KIRREL3: variants seen among roughly 807,000 people sequenced by gnomAD.
KIRREL3 encodes the protein kin of IRRE-like protein 3.
In KIRREL3, 36 loss-of-function variants were observed where a neutral mutation model predicts 89.7. The observed-to-expected ratio is 0.40, with a 90% CI of 0.31 to 0.53. The LOEUF (loss-of-function observed/expected upper bound fraction) is 0.53, where lower values mean the gene tolerates loss of function less well. Among genes scored for constraint, KIRREL3 ranks in the 20% least tolerant of loss-of-function variants. The pLI is 0.49. For missense variants in KIRREL3, 864 were observed against 1,056.6 expected (o/e 0.82, Z 2.53); for synonymous variants, 445 against 441.4 (o/e 1.01, Z -0.10).
rs1942934303 is a variant in KIRREL3 at position 126,607,386 on chromosome 11, G to A, written c.56-44474C>T. On this transcript the variant is annotated intron_variant, in intron 1 of 16. Coordinates refer to ENST00000525144, the MANE Select transcript of KIRREL3 (RefSeq NM_032531.4). This position sits in a 1 kb window ranked among gnomAD's most constrained non-coding sequence, Gnocchi z 6.6. ...AATATGAGTACTCTTGGCTGGGAGA[G>A]GAAGGGCTGGAGGAGAGATCAGGAA... 6.6e-6 allele frequency among the ~76,000 whole-genome samples: 1 copy of A among 152,096 alleles called. No homozygotes were observed.
chr11:126,690,853 T>A (rs1316535531), intron 1 of KIRREL3, among the ~76,000 whole-genome samples: 1 of 152,236 alleles, frequency 6.6e-6, no homozygotes. Flanking sequence ...TTGTCATTTC[T>A]TTTACCCATT....
chr11:126,462,926 T>C lies in KIRREL3; in HGVS notation c.742+231A>G, dbSNP rs1212844153. Among the ~76,000 whole-genome samples, 1 of 152,170 alleles carries C rather than the reference T, an allele frequency of 6.6e-6. No homozygotes were observed. The highest frequency in any genetic ancestry group is 1.5e-5 in the Non-Finnish European group (1 of 68,028). ...TGAAAGTCCCACCTTGTACAGGTGT[T>C]GAAATGTGGCCTGAAGATGTCCTTT... is the stretch of plus-strand genomic sequence containing the variant. On this transcript the variant is annotated intron_variant, in intron 6 of 16. Coordinates refer to ENST00000525144, the MANE Select transcript of KIRREL3 (RefSeq NM_032531.4). The surrounding 1 kb of genome is among the most constrained non-coding windows in gnomAD (Gnocchi z 4.8).
chr11:126,979,780 C>T (rs373337679), intron 1 of KIRREL3, among the ~76,000 whole-genome samples: 31 of 152,244 alleles, frequency 2.0e-4, no homozygotes, highest in East Asian at 3.9e-4. Context: ...GCTTAAGAAA[C>T]GTCAGCATCT....
chr11:126,986,235 A>T (rs1025287001), intron 1 of KIRREL3, among the ~76,000 whole-genome samples: 2 of 152,220 alleles, frequency 1.3e-5, no homozygotes, highest in African/African-American at 4.8e-5. Flanking sequence ...AAAGAGGCCC[A>T]GATGCCTAGT....
At chr11:126,583,017 T>C (rs1177625016) in intron 1 of KIRREL3, among the ~76,000 whole-genome samples, 1 of 151,614 alleles carries the variant, frequency 6.6e-6, no homozygotes, top group Non-Finnish European at 1.5e-5. Context: ...GACACTGCTA[T>C]CTGTTCTTGA....
rs943650981 is a variant in KIRREL3, at chr11:126,761,947, G to A, written c.56-199035C>T. Among the ~76,000 whole-genome samples, 5 of 152,146 alleles carry A rather than the reference G, an allele frequency of 3.3e-5. No homozygotes were observed. Among genetic ancestry groups the A allele is most frequent in the Non-Finnish European group, 7.3e-5 (5 of 68,028 alleles). On this transcript the variant is annotated intron_variant, in intron 1 of 16. Coordinates refer to ENST00000525144, the MANE Select transcript of KIRREL3 (RefSeq NM_032531.4). The surrounding 1 kb of genome is among the most constrained non-coding windows in gnomAD (Gnocchi z 4.4). ...TAATCCCAACACTTTGGGAGGCCGA[G>A]GGGGGCAGATCACCTGAGGTCAGGA...
Position 126,840,665 on chromosome 11 carries a change from T to G in KIRREL3, c.55+159790A>C, listed in dbSNP as rs181071499. ...CCATTCTGGGTAGCGTGATAAAATC[T>G]TGTGCAGAACAGCTCCATCCTGCTC... is the stretch of plus-strand genomic sequence containing the variant. On this transcript the variant is annotated intron_variant, in intron 1 of 16. Transcript: ENST00000525144. Among the ~76,000 whole-genome samples, 18 of 152,322 alleles carry G rather than the reference T, an allele frequency of 1.2e-4. No homozygotes were observed. In the East Asian group the frequency reaches 3.3e-3, roughly 28 times the overall value.
chr11:126,570,379 G>A lies in KIRREL3; in HGVS notation c.56-7467C>T, dbSNP rs887029881. On this transcript the variant is annotated intron_variant, in intron 1 of 16. Transcript: ENST00000525144. The surrounding 1 kb of genome is among the most constrained non-coding windows in gnomAD (Gnocchi z 6.1). Reference sequence around the variant, plus strand: ...TTACATACCAATTAAATTCATATAAGAGGAATCTGAAACAGCTGTGGTCTT... The same window carrying A: ...TTACATACCAATTAAATTCATATAAAAGGAATCTGAAACAGCTGTGGTCTT... 6.6e-6 allele frequency among the ~76,000 whole-genome samples: 1 copy of A among 152,160 alleles called. No homozygotes were observed. The highest frequency in any genetic ancestry group is 2.4e-5 in the African/African-American group (1 of 41,438).
intron 1 of KIRREL3, among the ~76,000 whole-genome samples, chr11:126,767,029 AC>A (rs1452411501): frequency 3.9e-5 from 6 of 152,232 alleles, no homozygotes; most frequent in Admixed American, 3.3e-4. Flanking sequence ...AGGGCATTCA[AC>A]ATGAGAGGTA....
Position 126,953,881 on chromosome 11 carries a change from C to T in KIRREL3, c.55+46574G>A, listed in dbSNP as rs1052957987. On this transcript the variant is annotated intron_variant, in intron 1 of 16. Coordinates refer to ENST00000525144, the MANE Select transcript of KIRREL3 (RefSeq NM_032531.4). The surrounding 1 kb of genome is among the most constrained non-coding windows in gnomAD (Gnocchi z 5.2). ...TTTGGGTTTTTCTCTGCCTACCACC[C>T]GCTTATTTATGTTAATCTGATTTAG... 3.9e-5 allele frequency among the ~76,000 whole-genome samples: 6 copies of T among 152,228 alleles called. No homozygotes were observed. The highest frequency in any genetic ancestry group is 1.9e-4 in the East Asian group (1 of 5,182).
chr11:126,437,674 CACG>C (rs1276764527), intron 11 of KIRREL3, among the ~76,000 whole-genome samples: 4 of 152,032 alleles, frequency 2.6e-5, no homozygotes, highest in East Asian at 1.9e-4. Flanking sequence ...ACATGGCAGA[CACG>C]ACACCACATC....
intron 1 of KIRREL3, among the ~76,000 whole-genome samples, chr11:126,866,659 A>C (rs541022060): frequency 4.2e-5 from 6 of 141,242 alleles, no homozygotes; most frequent in South Asian, 2.3e-4. Flanking sequence ...GCCCCCCCAC[A>C]CACACTGACC....
In KIRREL3 at chr11:126,430,298, A is replaced by G. The variant is rs1260317463; in HGVS notation, c.1697-1010T>C. Among the ~76,000 whole-genome samples, 1 of 152,088 alleles carries G rather than the reference A, an allele frequency of 6.6e-6. No individual in the cohort carries two copies. The highest frequency in any genetic ancestry group is 1.5e-5 in the Non-Finnish European group (1 of 68,010). On this transcript the variant is annotated intron_variant, in intron 14 of 16. Coordinates refer to ENST00000525144, the MANE Select transcript of KIRREL3 (RefSeq NM_032531.4). The surrounding 1 kb of genome is among the most constrained non-coding windows in gnomAD (Gnocchi z 6.6). ...TGTCTCTGCAAAAAATTAAAAAAAT[A>G]GCAAGGCATGATGGCACACGCCTGT...
rs1416828861 is a variant in KIRREL3, at chr11:126,528,140, C to T, written c.134-1453G>A. On this transcript the variant is annotated intron_variant, in intron 2 of 16. Coordinates refer to ENST00000525144, the MANE Select transcript of KIRREL3 (RefSeq NM_032531.4). The surrounding 1 kb of genome is among the most constrained non-coding windows in gnomAD (Gnocchi z 4.6). ...GGGGCCCATCTGCATTCCAAGCCCTCCCTTTTTCCTACCTCCTGCTCTACA... is the reference window on the plus strand; with the variant it reads ...GGGGCCCATCTGCATTCCAAGCCCTTCCTTTTTCCTACCTCCTGCTCTACA... Among the ~76,000 whole-genome samples the T allele has an allele frequency of 6.6e-6, 1 of 152,220 alleles. No individual in the cohort carries two copies. The highest frequency in any genetic ancestry group is 1.5e-5 in the Non-Finnish European group (1 of 68,036).
Position 126,473,435 on chromosome 11 carries a change from G to A in KIRREL3, c.465C>T (p.Gly155=). The A allele has an allele frequency of 4.4e-6, 7 of 1,573,700 alleles. No individual in the cohort carries two copies. Among genetic ancestry groups the A allele is most frequent in the Non-Finnish European group, 6.1e-6 (7 of 1,152,084 alleles). ...CCCCCGCACGCAGGCTGATCACAGG[G>A]CCCCCCAGGATGACGGGGTCATCAG... The part of the protein sequence containing the change: ...VPPDDPVILG[G]PVISLRAGDP... The change falls in exon 5 of 17, where the codon GGC becomes GGT. Residue 155 remains glycine (G), a synonymous_variant. Transcript: ENST00000525144.
intron 2 of KIRREL3, among the ~76,000 whole-genome samples, chr11:126,545,251 A>G (rs1938720090): frequency 6.6e-6 from 1 of 152,158 alleles, no homozygotes; most frequent in East Asian, 1.9e-4. Context: ...TTGCAGAGAT[A>G]GTGGTGTCCT....
At chr11:126,938,071 C>T (rs1010333122) in intron 1 of KIRREL3, among the ~76,000 whole-genome samples, 38 of 152,182 alleles carry the variant, frequency 2.5e-4, no homozygotes, top group Non-Finnish European at 1.5e-5. Flanking sequence ...TTAAGAGAAA[C>T]AAATGAATCC....
chr11:126,599,295 T>A (rs993168666), intron 1 of KIRREL3, among the ~76,000 whole-genome samples: 24 of 152,200 alleles, frequency 1.6e-4, no homozygotes, highest in Admixed American at 1.4e-3. Context: ...TTCCATTGTC[T>A]CAGCCGCATT....
rs1206668531 is a variant in KIRREL3, at chr11:126,817,676, C to T, written c.55+182779G>A. On this transcript the variant is annotated intron_variant, in intron 1 of 16. Transcript: ENST00000525144. The surrounding 1 kb of genome is among the most constrained non-coding windows in gnomAD (Gnocchi z 5.7). Reference sequence around the variant, plus strand: ...AAGAGCAATGAGACCAATGCCAGATCCCAGAGGGGTCAGGGAGCTCCACCG... The same window carrying T: ...AAGAGCAATGAGACCAATGCCAGATTCCAGAGGGGTCAGGGAGCTCCACCG... Among the ~76,000 whole-genome samples, 1 of 152,202 alleles carries T rather than the reference C, an allele frequency of 6.6e-6. No individual in the cohort carries two copies. The highest frequency in any genetic ancestry group is 2.4e-5 in the African/African-American group (1 of 41,458).
Sources: gnomAD v4.1 joint callset for allele counts (sites outside exome capture counted in the v4.1 genomes callset) on GRCh38, gnomAD v4.1.1 for gene constraint, Gnocchi (gnomAD v3.1) non-coding constraint, MANE v1.5 for transcripts, NCBI Gene and HGNC (gene_info 2026-07-23, HGNC 2026-07-21) for gene names.